Variants in MICU1 observed in about 807,000 individuals in gnomAD.
MICU1 encodes calcium uptake protein 1, mitochondrial.
Under a neutral mutation model 56.8 loss-of-function variants are expected in MICU1, and 45 were observed. That is an observed-to-expected ratio of 0.79 (90% confidence interval 0.62 to 1.02). The LOEUF (loss-of-function observed/expected upper bound fraction) is 1.02. Among genes scored for constraint, MICU1 ranks in the 50% least tolerant of loss-of-function variants. The pLI, the probability that MICU1 is intolerant of heterozygous loss-of-function variation, is 0.00. For synonymous variants in MICU1, 186 were observed against 195.1 expected (o/e 0.95, Z 0.39); for missense variants, 504 against 587.1 (o/e 0.86, Z 1.46).
chr10:72,596,324 G>C (rs577040282), intron 1 of MICU1, among the ~76,000 whole-genome samples: 15 of 152,170 alleles, frequency 9.9e-5, no homozygotes, highest in African/African-American at 3.6e-4. Context: ...TGTAATCCCA[G>C]CTACTCAGGA....
intron 6 of MICU1, among the ~76,000 whole-genome samples, chr10:72,493,224 T>C (rs1377092554): frequency 5.6e-5 from 8 of 144,138 alleles, no homozygotes; most frequent in South Asian, 2.1e-4. Flanking sequence ...CACACACACA[T>C]ACACACACAA....
chr10:72,590,796 G>C (rs1841202481), intron 1 of MICU1, among the ~76,000 whole-genome samples: 1 of 151,058 alleles, frequency 6.6e-6, no homozygotes, highest in Non-Finnish European at 1.5e-5. Flanking sequence ...CTGGGAGACA[G>C]AGTGAGACAC....
intron 1 of MICU1, among the ~76,000 whole-genome samples, chr10:72,608,191 C>T (rs1295700185): frequency 6.6e-6 from 1 of 152,130 alleles, no homozygotes; most frequent in East Asian, 1.9e-4. Flanking sequence ...GCTTCAGCCT[C>T]CTGAGTAGCT....
In MICU1 at chr10:72,533,655, C is replaced by T. The variant is rs1371541822; in HGVS notation, c.537+91G>A. 5 of 934,564 alleles carry T rather than the reference C, an allele frequency of 5.4e-6. No homozygotes were observed. The African/African-American group carries it at 8.4e-5, about 16-fold the overall frequency. 57.9% of individuals were successfully genotyped at this position (934,564 alleles called of 1,614,324 possible). A position where few individuals can be genotyped will look rare whatever the true frequency, so the allele number is the denominator to read the frequency against. Reference sequence around the variant, plus strand: ...TCTTTTGGTAAGATAAACAGGTATTCAGTGATTTCTCAAACATAACTATAG... The same window carrying T: ...TCTTTTGGTAAGATAAACAGGTATTTAGTGATTTCTCAAACATAACTATAG... On this transcript the variant is annotated intron_variant, in intron 5 of 11. Transcript: ENST00000361114.
At chr10:72,616,586 T>TTAA (rs1466319778) in intron 1 of MICU1, among the ~76,000 whole-genome samples, 2 of 96,476 alleles carry the variant, frequency 2.1e-5, no homozygotes. Flanking sequence ...AAACTCCATC[T>TTAA]AAAAAAAAAA....
intron 10 of MICU1, among the ~76,000 whole-genome samples, chr10:72,381,027 T>C (rs995033716): frequency 2.6e-4 from 39 of 152,122 alleles, no homozygotes; most frequent in African/African-American, 9.2e-4. Context: ...ACTTAAAAAG[T>C]GTATTCAACA....
chr10:72,563,950 C>CTTTATTT (rs1283150928), intron 2 of MICU1, among the ~76,000 whole-genome samples: 4 of 151,808 alleles, frequency 2.6e-5, no homozygotes, highest in Admixed American at 2.0e-4. Flanking sequence ...CCTTTCACTA[C>CTTTATTT]AATAAAAAGG....
At chr10:72,551,430 A>G (rs1301121183) in intron 3 of MICU1, 89 bp from the exon 4 acceptor site, 5 of 893,852 alleles carry the variant, frequency 5.6e-6, no homozygotes, top group East Asian at 6.1e-5. Flanking sequence ...CAATTCTCAT[A>G]TATTTTCCAT....
intron 5 of MICU1, among the ~76,000 whole-genome samples, chr10:72,526,547 C>T (rs1018855499): frequency 6.6e-6 from 1 of 152,146 alleles, no homozygotes; most frequent in Non-Finnish European, 1.5e-5. Context: ...CTGCCTGCCT[C>T]GGCCTCCCAA....
chr10:72,499,634 T>C (rs1235490278), intron 6 of MICU1, among the ~76,000 whole-genome samples: 2 of 152,182 alleles, frequency 1.3e-5, no homozygotes, highest in East Asian at 1.9e-4. Flanking sequence ...TTTCCAGACA[T>C]AGAAATTATG....
At chr10:72,403,724 C>T (rs913053491) in intron 10 of MICU1, among the ~76,000 whole-genome samples, 22 of 150,796 alleles carry the variant, frequency 1.5e-4, no homozygotes, top group Admixed American at 7.3e-4. Context: ...GGTGCAATCT[C>T]GGCTCACTGC....
intron 11 of MICU1, among the ~76,000 whole-genome samples, chr10:72,368,868 GAAGCAGCAT>G (rs1214635357): frequency 6.6e-6 from 1 of 152,174 alleles, no homozygotes; most frequent in Non-Finnish European, 1.5e-5. Context: ...CCAGGGAGGA[GAAGCAGCAT>G]AAGCATGAGT....
At chr10:72,558,460 G>A (rs1840213005) in intron 3 of MICU1, among the ~76,000 whole-genome samples, 1 of 152,164 alleles carries the variant, frequency 6.6e-6, no homozygotes, top group Non-Finnish European at 1.5e-5. Context: ...TAAGTGTGCA[G>A]AAAAGGAGGC....
At chr10:72,464,295 C>CAAA (rs58499998) in intron 8 of MICU1, among the ~76,000 whole-genome samples, 37 of 100,010 alleles carry the variant, frequency 3.7e-4, no homozygotes, top group African/African-American at 1.4e-3. Flanking sequence ...GATTCTGTCT[C>CAAA]AAAAAAAAAA....
chr10:72,401,414 G>A (rs765169073), intron 10 of MICU1, among the ~76,000 whole-genome samples: 6 of 152,330 alleles, frequency 3.9e-5, no homozygotes, highest in Non-Finnish European at 7.3e-5. Flanking sequence ...AGCACTTTGG[G>A]AGGCTGAGTT....
At chr10:72,527,803 C>G (rs1484830966) in intron 5 of MICU1, among the ~76,000 whole-genome samples, 1 of 152,112 alleles carries the variant, frequency 6.6e-6, no homozygotes, top group Non-Finnish European at 1.5e-5. Context: ...CAAATATAGT[C>G]AAGCATTTTT....
intron 6 of MICU1, among the ~76,000 whole-genome samples, chr10:72,495,525 G>A (rs150265418): frequency 0.027 from 4,136 of 151,988 alleles, 181 homozygotes; most frequent in African/African-American, 0.096. Flanking sequence ...GCGTGGTGGC[G>A]GGTGCCTGTA....
chr10:72,624,020 A>G (rs930338645), intron 1 of MICU1, among the ~76,000 whole-genome samples: 2 of 152,222 alleles, frequency 1.3e-5, no homozygotes, highest in Non-Finnish European at 2.9e-5. Flanking sequence ...CTCAAGAGAT[A>G]AAGCTAACTT....
chr10:72,435,003 T>A (rs1302841235), intron 8 of MICU1, among the ~76,000 whole-genome samples: 1 of 145,728 alleles, frequency 6.9e-6, no homozygotes, highest in Non-Finnish European at 1.5e-5. Flanking sequence ...GAAGTAATGA[T>A]AATAATTAAG....
Sources: allele counts gnomAD v4.1 joint callset (sites outside exome capture counted in the v4.1 genomes callset), GRCh38; gene constraint gnomAD v4.1.1; transcripts MANE v1.5; gene names NCBI Gene and HGNC (gene_info 2026-07-23, HGNC 2026-07-21).